ST14: variants seen among roughly 807,000 people sequenced by gnomAD.
ST14 encodes the protein ST14 transmembrane serine protease matriptase, also known as suppressor of tumorigenicity 14 protein.
Under a neutral mutation model 96.5 loss-of-function variants are expected in ST14, and 40 were observed. That is an observed-to-expected ratio of 0.41 (90% CI 0.32 to 0.54). ST14 has a LOEUF of 0.54. Ranked by LOEUF, ST14 falls within the 20% of genes least tolerant of loss-of-function variation. The pLI is 0.17. For missense variants in ST14, 1,066 were observed against 1,188.9 expected (o/e 0.90, Z 1.52); for synonymous variants, 506 against 492.1 (o/e 1.03, Z -0.37).
At chr11:130,194,548 G>T (rs1009876636) in intron 8 of ST14, 92 bp from the exon 9 acceptor site, 8 of 1,350,586 alleles carry the variant, frequency 5.9e-6, no homozygotes, top group Non-Finnish European at 7.4e-6. Flanking sequence ...CGTCCAGGAG[G>T]CAGCTCCAGG....
At chr11:130,207,944 A>G (rs1953505895) in intron 16 of ST14, among the ~76,000 whole-genome samples, 1 of 151,846 alleles carries the variant, frequency 6.6e-6, no homozygotes. Flanking sequence ...GGTGGTGTGC[A>G]CTTGTAATCC....
chr11:130,194,868 G>GTA lies in ST14; in HGVS notation c.1113+132_1113+133insAT, dbSNP rs1321192321. On this transcript the variant is annotated intron_variant, in intron 9 of 18. Transcript: ENST00000278742. Reference sequence around the variant, plus strand: ...TATGTGTGCATGTGTGTGTGTGTGTGTGTGTGTGCGTATGTGTGTGTGTGA... The same window carrying GTA: ...TATGTGTGCATGTGTGTGTGTGTGTGTATGTGTGTGCGTATGTGTGTGTGTGA... The GTA allele has an allele frequency of 3.4e-6, 3 of 879,374 alleles. No homozygotes were observed. In the African/African-American group the frequency reaches 5.0e-5, roughly 15 times the overall value. 54.5% of individuals were successfully genotyped at this position (879,374 alleles called of 1,614,324 possible). A position where few individuals can be genotyped will look rare whatever the true frequency, so the allele number is the denominator to read the frequency against.
Position 130,189,798 on chromosome 11 carries a change from A to T in ST14, c.500A>T (p.Glu167Val). The change falls in exon 5 of 19, where the codon GAG becomes GTG. Residue 167 changes from glutamate (E) to valine (V), a missense_variant. Physicochemically the swap from Glu to Val is moderately radical, Grantham distance 121. Coordinates refer to ENST00000278742, the MANE Select transcript of ST14 (RefSeq NM_021978.4). Reference protein sequence around the residue: ...SEFSIPQHLVEEAERVMAEER... With the variant: ...SEFSIPQHLVVEAERVMAEER... ...TTCAGCATCCCGCAGCACCTGGTGG[A>T]GGAGGCCGAGCGCGTCATGGCCGAG... 6.2e-7 allele frequency: 1 copy of T among 1,613,860 alleles called. No homozygotes were observed. Among genetic ancestry groups the T allele is most frequent in the Non-Finnish European group, 8.5e-7 (1 of 1,179,936 alleles).
chr11:130,201,749 T>A (rs939955368), intron 16 of ST14, among the ~76,000 whole-genome samples: 1 of 152,204 alleles, frequency 6.6e-6, no homozygotes, highest in African/African-American at 2.4e-5. Context: ...CCAGCTAGTT[T>A]AAAATTTTTG....
rs762102833 is a variant in ST14 at position 130,196,644 on chromosome 11, A to C, written c.1298A>C (p.Gln433Pro). 2 of 1,614,152 alleles carry C rather than the reference A, an allele frequency of 1.2e-6. No homozygotes were observed. The highest frequency in any genetic ancestry group is 1.7e-6 in the Non-Finnish European group (2 of 1,180,034). ...ATCACAGTTCGCTTCCACTCAGATC[A>C]GTCCTACACCGACACCGGCTTCTTA... ...NKITVRFHSD[Q>P]SYTDTGFLAE... is the part of the protein sequence containing the mutation. The change falls in exon 11 of 19, where the codon CAG (glutamine) becomes CCG (proline). Residue 433 changes from glutamine (Q) to proline (P), a missense_variant. Physicochemically the swap from Gln to Pro is moderately conservative, Grantham distance 76. Coordinates refer to ENST00000278742, the MANE Select transcript of ST14 (RefSeq NM_021978.4).
At chr11:130,193,242 C>A (rs902219109) in intron 7 of ST14, among the ~76,000 whole-genome samples, 2 of 151,978 alleles carry the variant, frequency 1.3e-5, no homozygotes, top group African/African-American at 4.8e-5. Flanking sequence ...CAAGCGCCAC[C>A]ATGCCCAGCT....
At chr11:130,208,350 G>C in intron 16 of ST14, 60 bp from the exon 17 acceptor site, 1 of 1,611,282 alleles carries the variant, frequency 6.2e-7, no homozygotes, top group South Asian at 1.1e-5. Flanking sequence ...GCGCGGGGCC[G>C]CGAGGCCGTG....
intron 16 of ST14, among the ~76,000 whole-genome samples, chr11:130,203,388 A>G (rs1953451846): frequency 6.6e-6 from 1 of 152,160 alleles, no homozygotes; most frequent in Admixed American, 6.5e-5. Flanking sequence ...TAGCCTGGGC[A>G]GCTGCAGCAC....
chr11:130,208,440 C>A lies in ST14; in HGVS notation c.2025C>A (p.Phe675Leu). 1.2e-6 allele frequency: 2 copies of A among 1,614,154 alleles called. No individual in the cohort carries two copies. Among genetic ancestry groups the A allele is most frequent in the Non-Finnish European group, 1.7e-6 (2 of 1,180,044 alleles). The part of the protein sequence containing the change: ...RYSDPTQWTA[F>L]LGLHDQSQRS... ...CAGACCCCACGCAGTGGACGGCCTT[C>A]CTGGGCTTGCACGACCAGAGCCAGC... Residue 675 changes from phenylalanine to leucine, a missense_variant, in exon 17 of 19, where the codon TTC (phenylalanine) becomes TTA (leucine). Coordinates refer to ENST00000278742, the MANE Select transcript of ST14 (RefSeq NM_021978.4).
chr11:130,209,471 G>A lies in ST14; in HGVS notation c.2299G>A (p.Glu767Lys). 1.3e-6 allele frequency: 2 copies of A among 1,586,456 alleles called. No homozygotes were observed. The highest frequency in any genetic ancestry group is 1.7e-6 in the Non-Finnish European group (2 of 1,166,614). Residue 767 changes from glutamate (E) to lysine (K), a missense_variant, in exon 18 of 19, where the codon GAG (glutamate) becomes AAG (lysine). By Grantham distance (56) the Glu-to-Lys change is moderately conservative. Coordinates refer to ENST00000278742, the MANE Select transcript of ST14 (RefSeq NM_021978.4). ...TGGCGCGCTGATCCTGCAAAAGGGT[G>A]AGATCCGCGTCATCAACCAGACCAC... ...GTGALILQKG[E>K]IRVINQTTCE...
At chr11:130,171,784 A>C (rs1400319159) in intron 1 of ST14, among the ~76,000 whole-genome samples, 1 of 152,268 alleles carries the variant, frequency 6.6e-6, no homozygotes, top group African/African-American at 2.4e-5. Flanking sequence ...CAAGTCAGTC[A>C]ACATTGCAAG....
Position 130,210,033 on chromosome 11 carries a change from A to G in ST14, c.*210A>G. The stretch of plus-strand genomic sequence containing the variant: ...GAGCTGGGAGGTAGAAGGGGAGGAC[A>G]CTGGTGGTTCTACTGACCCAACTGG... On this transcript the variant is annotated 3_prime_UTR_variant, in exon 19 of 19. Coordinates refer to ENST00000278742, the MANE Select transcript of ST14 (RefSeq NM_021978.4). 1 of 644,668 alleles carries G rather than the reference A, an allele frequency of 1.6e-6. No homozygotes were observed. Among genetic ancestry groups the G allele is most frequent in the Non-Finnish European group, 2.6e-6 (1 of 383,352 alleles). The allele number at this position is 644,668 out of a possible 1,614,324, so 39.9% of individuals were successfully genotyped here.
At chr11:130,184,691 G>A (rs1484389645) in intron 1 of ST14, among the ~76,000 whole-genome samples, 2 of 152,136 alleles carry the variant, frequency 1.3e-5, no homozygotes, top group Non-Finnish European at 2.9e-5. Flanking sequence ...AAAGACAAAG[G>A]CCCCAGCAGA....
intron 1 of ST14, among the ~76,000 whole-genome samples, chr11:130,186,869 T>G (rs543982007): frequency 6.6e-6 from 1 of 152,298 alleles, no homozygotes; most frequent in East Asian, 1.9e-4. Flanking sequence ...AACAAGCATT[T>G]TGAACACATT....
intron 1 of ST14, among the ~76,000 whole-genome samples, chr11:130,171,883 GA>G (rs1482550460): frequency 1.3e-5 from 2 of 152,124 alleles, no homozygotes; most frequent in East Asian, 3.9e-4. Context: ...AAGGGGTTAG[GA>G]AAAAGGGTTA....
In ST14 at chr11:130,188,076, G is replaced by A; in HGVS notation, c.82-38G>A. On this transcript the variant is annotated intron_variant, in intron 1 of 18. Transcript: ENST00000278742. This position sits in a 1 kb window ranked among gnomAD's most constrained non-coding sequence, Gnocchi z 5.4. ...CCAGCGGGGTGCAGGGGAAGAGCGG[G>A]TGAGAGGGTCTGAGTGGTGGCGCCT... 1.2e-6 allele frequency: 2 copies of A among 1,612,740 alleles called. No individual in the cohort carries two copies. Among genetic ancestry groups the A allele is most frequent in the Non-Finnish European group, 1.7e-6 (2 of 1,179,344 alleles).
intron 7 of ST14, among the ~76,000 whole-genome samples, chr11:130,190,992 A>T (rs995803636): frequency 6.6e-6 from 1 of 152,190 alleles, no homozygotes; most frequent in South Asian, 2.1e-4. Context: ...CCACGGTTGT[A>T]AAATGTAGGC....
chr11:130,174,503 T>G (rs1591879660), intron 1 of ST14, among the ~76,000 whole-genome samples: 1 of 124,046 alleles, frequency 8.1e-6, no homozygotes, highest in African/African-American at 3.1e-5. Flanking sequence ...GGGGGTGAGG[T>G]GTGTGGGTGT....
intron 1 of ST14, among the ~76,000 whole-genome samples, chr11:130,164,242 A>G (rs1953024374): frequency 6.6e-6 from 1 of 152,214 alleles, no homozygotes; most frequent in South Asian, 2.1e-4. Flanking sequence ...AATGATGAAC[A>G]CTAATAATCG....
Sources: allele counts gnomAD v4.1 joint callset (sites outside exome capture counted in the v4.1 genomes callset), GRCh38; gene constraint gnomAD v4.1.1; non-coding constraint Gnocchi (gnomAD v3.1); transcripts MANE v1.5; gene names NCBI Gene and HGNC (gene_info 2026-07-23, HGNC 2026-07-21).